The following ZNF875 variants were observed in gnomAD, a reference collection of about 807,000 sequenced individuals.
ZNF875 encodes HKR1, GLI-Kruppel zinc finger family member.
Under a neutral mutation model 11.2 loss-of-function variants are expected in ZNF875, and 14 were observed. The observed-to-expected ratio is 1.26, with a 90% CI of 0.83 to 1.96. ZNF875 has a LOEUF of 1.96. Among genes scored for constraint, ZNF875 ranks in the 30% most tolerant of loss-of-function variants. ZNF875 has a pLI of 0.00. For synonymous variants in ZNF875, 301 were observed against 281.1 expected (o/e 1.07, Z -0.71); for missense variants, 752 against 760.4 (o/e 0.99, Z 0.13).
upstream of ZNF875, among the ~76,000 whole-genome samples, chr19:37,330,716 T>C (rs1453805609): frequency 6.6e-6 from 1 of 152,226 alleles, no homozygotes; most frequent in Admixed American, 6.5e-5. Flanking sequence ...TTTTTAGTTT[T>C]ATTCATTTAA....
At chr19:37,332,934 CATT>C (rs1284819004), upstream of ZNF875, among the ~76,000 whole-genome samples, 1 of 152,126 alleles carries the variant, frequency 6.6e-6, no homozygotes, top group Non-Finnish European at 1.5e-5. Flanking sequence ...GAGAGTGTAT[CATT>C]GTACTTGGCA....
At chr19:37,340,937 C>A (rs766953069) in intron 2 of ZNF875, among the ~76,000 whole-genome samples, 24 of 152,086 alleles carry the variant, frequency 1.6e-4, no homozygotes, top group Non-Finnish European at 2.8e-4. Flanking sequence ...CGTGAGCCAC[C>A]GCGTCTGGCC....
At chr19:37,332,822 A>C (rs2033609678), upstream of ZNF875, among the ~76,000 whole-genome samples, 1 of 152,188 alleles carries the variant, frequency 6.6e-6, no homozygotes, top group Admixed American at 6.5e-5. Context: ...TTTATAATTT[A>C]GATGGATTTT....
intron 3 of ZNF875, 192 bp downstream of exon 3, chr19:37,347,508 C>A: frequency 1.6e-6 from 1 of 624,096 alleles, no homozygotes; most frequent in Non-Finnish European, 2.8e-6. Context: ...TTATGGATGA[C>A]ACTACATTTC....
rs190792638 is a variant in ZNF875, at chr19:37,361,348, A to G, written c.257-761A>G. On this transcript the variant is annotated intron_variant, in intron 4 of 4. Coordinates refer to ENST00000392153, the MANE Select transcript of ZNF875 (RefSeq NM_001353803.2). ...ATGGTCTCAATCTCTTGACCTCGTG[A>G]TCTGCCCGCCTCGGCTTCCCAAAGT... 3.0e-3 allele frequency among the ~76,000 whole-genome samples: 458 copies of G among 152,114 alleles called. 1 individual carries two copies. Among genetic ancestry groups the G allele is most frequent in the Non-Finnish European group, 5.3e-3 (363 of 67,982 alleles).
At chr19:37,318,520 TTTTC>T (rs1172387776) in intron 1 of ZNF875, among the ~76,000 whole-genome samples, 4 of 149,428 alleles carry the variant, frequency 2.7e-5, no homozygotes, top group African/African-American at 1.0e-4. Context: ...ATCATATTTG[TTTTC>T]TTTTTTTTTT....
At chr19:37,350,305 A>G (rs536627395) in intron 4 of ZNF875, among the ~76,000 whole-genome samples, 1 of 151,366 alleles carries the variant, frequency 6.6e-6, no homozygotes, top group East Asian at 2.0e-4. Flanking sequence ...GTTAGCCAGG[A>G]TGGTCTCCAT....
upstream of ZNF875, chr19:37,313,106 G>T (rs1488884594): frequency 6.6e-6 from 1 of 152,228 alleles, no homozygotes; most frequent in African/African-American, 2.4e-5. Flanking sequence ...TTGGCCCAAA[G>T]GACCTAGCGA....
At chr19:37,354,156 T>C (rs1028541838) in intron 4 of ZNF875, among the ~76,000 whole-genome samples, 1 of 151,842 alleles carries the variant, frequency 6.6e-6, no homozygotes, top group Non-Finnish European at 1.5e-5. Context: ...CACTAATCTT[T>C]CTTCTTTTTC....
In ZNF875 at chr19:37,363,260, A is replaced by C. The variant is rs2040274317; in HGVS notation, c.1408A>C (p.Arg470=). 6.2e-7 allele frequency: 1 copy of C among 1,613,786 alleles called. No homozygotes were observed. Among genetic ancestry groups the C allele is most frequent in the Non-Finnish European group, 8.5e-7 (1 of 1,179,770 alleles). The part of the protein sequence containing the change: ...SLKSNLNKHQ[R]SHTGEKPFVC... ...GAAGTCAAACCTTAACAAACACCAG[A>C]GGTCACACACGGGGGAGAAGCCATT... The change falls in exon 5 of 5, where the codon AGG becomes CGG. Residue 470 remains arginine (R), a synonymous_variant. Transcript: ENST00000392153.
At chr19:37,337,065 G>T (rs559000744) in intron 2 of ZNF875, among the ~76,000 whole-genome samples, 3 of 152,160 alleles carry the variant, frequency 2.0e-5, no homozygotes, top group Non-Finnish European at 4.4e-5. Context: ...CAGATTCCCT[G>T]CTTCTCTGAA....
At position 37,363,226 on chromosome 19, in the gene ZNF875, C is replaced by T; in HGVS notation, c.1374C>T (p.Cys458=). 2 of 1,613,850 alleles carry T rather than the reference C, an allele frequency of 1.2e-6. No individual in the cohort carries two copies. Among genetic ancestry groups the T allele is most frequent in the Non-Finnish European group, 1.7e-6 (2 of 1,179,940 alleles). The part of the protein sequence containing the change: ...KPYVCLECGQ[C]FSLKSNLNKH... ...ATGTCTGCCTGGAGTGCGGGCAGTGCTTTAGCCTGAAGTCAAACCTTAACA... is the reference window on the plus strand; with the variant it reads ...ATGTCTGCCTGGAGTGCGGGCAGTGTTTTAGCCTGAAGTCAAACCTTAACA... The change falls in exon 5 of 5, where the codon TGC becomes TGT. Residue 458 remains cysteine, a synonymous_variant. Coordinates refer to ENST00000392153, the MANE Select transcript of ZNF875 (RefSeq NM_001353803.2).
chr19:37,315,505 T>C (rs1218900395), upstream of ZNF875: 3 of 152,084 alleles, frequency 2.0e-5, no homozygotes, highest in African/African-American at 7.2e-5. Context: ...AGTCTCAGGG[T>C]AGGCAGAGAA....
At chr19:37,352,865 T>G (rs1418034104) in intron 4 of ZNF875, among the ~76,000 whole-genome samples, 1 of 126,684 alleles carries the variant, frequency 7.9e-6, no homozygotes, top group African/African-American at 3.1e-5. Context: ...ACTTTTTAGA[T>G]TCTTTTTTCT....
At chr19:37,352,127 G>T (rs900189220) in intron 4 of ZNF875, among the ~76,000 whole-genome samples, 2 of 151,872 alleles carry the variant, frequency 1.3e-5, no homozygotes, top group African/African-American at 4.8e-5. Context: ...TCTTCTTATT[G>T]ACCTTTTTAT....
chr19:37,351,072 G>A (rs2037810780), intron 4 of ZNF875, among the ~76,000 whole-genome samples: 1 of 151,944 alleles, frequency 6.6e-6, no homozygotes, highest in African/African-American at 2.4e-5. Flanking sequence ...CCAAAGTGCT[G>A]GGATTACAGG....
intron 2 of ZNF875, among the ~76,000 whole-genome samples, chr19:37,323,122 G>C (rs12986146): frequency 0.21 from 31,279 of 151,582 alleles, 3,740 homozygotes; most frequent in Middle Eastern, 0.28. Context: ...CCTAAAGGAG[G>C]GTCACAAGGA....
At chr19:37,335,461 C>T (rs532570817) in intron 2 of ZNF875, among the ~76,000 whole-genome samples, 1 of 152,082 alleles carries the variant, frequency 6.6e-6, no homozygotes, top group Non-Finnish European at 1.5e-5. Context: ...GTAACCTGCA[C>T]GGACCTGGTG....
At chr19:37,360,754 C>T in intron 4 of ZNF875, among the ~76,000 whole-genome samples, 1 of 152,262 alleles carries the variant, frequency 6.6e-6, no homozygotes, top group South Asian at 2.1e-4. Flanking sequence ...CCTCAGCCTC[C>T]TTAAGTGTTG....
Sources: gnomAD v4.1 joint callset for allele counts (sites outside exome capture counted in the v4.1 genomes callset) on GRCh38, gnomAD v4.1.1 for gene constraint, MANE v1.5 for transcripts, NCBI Gene and HGNC (gene_info 2026-07-23, HGNC 2026-07-21) for gene names.